The following AMPD1 variants were observed in gnomAD, a reference collection of about 807,000 sequenced individuals.
AMPD1 encodes the protein AMP deaminase 1.
A neutral mutation model predicts 82.9 loss-of-function variants in AMPD1; 74 were observed. That is an observed-to-expected ratio of 0.89 (90% CI 0.74 to 1.08). The LOEUF is 1.08. AMPD1 is among the 50% of genes least tolerant of loss of function. The pLI is 0.00. For synonymous variants in AMPD1, 333 were observed against 320.5 expected, an observed-to-expected ratio of 1.04 and a Z score of -0.42; for missense variants, 881 against 924.5, an observed-to-expected ratio of 0.95 and a Z score of 0.61.
chr1:114,693,278 T>C (rs1658574179), intron 2 of AMPD1, among the ~76,000 whole-genome samples, 158 bp downstream of exon 2: 1 of 151,550 alleles, frequency 6.6e-6, no homozygotes, highest in East Asian at 1.9e-4. Context: ...TTTGCTATGC[T>C]ATGGGATATC....
At chr1:114,674,948 T>C (rs1311469433) in intron 12 of AMPD1, 76 bp from the exon 13 acceptor site, 2 of 1,575,728 alleles carry the variant, frequency 1.3e-6, no homozygotes, top group African/African-American at 2.7e-5. Context: ...AGTAGAAAAG[T>C]GAACACTCTG....
At chr1:114,690,809 A>C (rs991242231) in intron 2 of AMPD1, among the ~76,000 whole-genome samples, 2 of 152,080 alleles carry the variant, frequency 1.3e-5, no homozygotes, top group African/African-American at 4.8e-5. Context: ...CAGAAGTTGG[A>C]AGAGGCTGCA....
At chr1:114,678,556 A>C (rs978625847) in intron 7 of AMPD1, 29 bp from the exon 8 acceptor site, 2 of 1,591,948 alleles carry the variant, frequency 1.3e-6, no homozygotes, top group African/African-American at 2.7e-5. Context: ...AAAGAAAAAA[A>C]CATCAATCAG....
chr1:114,689,563 T>C (rs1484667384), intron 2 of AMPD1, among the ~76,000 whole-genome samples: 1 of 152,172 alleles, frequency 6.6e-6, no homozygotes, highest in Non-Finnish European at 1.5e-5. Flanking sequence ...ATCCCTGTGA[T>C]CCCAGCGCTT....
intron 5 of AMPD1, 53 bp from the exon 6 acceptor site, chr1:114,680,531 A>G (rs1003361314): frequency 1.3e-6 from 2 of 1,522,806 alleles, no homozygotes; most frequent in Admixed American, 3.3e-5. Context: ...GAACGACCAC[A>G]TAAAAATAAC....
rs576044717 is a variant in AMPD1, at chr1:114,685,758, T to C, written c.381+987A>G. ...TTGAATTCTGGAGTTCTCCAAACTG[T>C]GTTTCCCCTGTACTCATCTCTATTA... On this transcript the variant is annotated intron_variant, in intron 4 of 15. Transcript: ENST00000520113. Among the ~76,000 whole-genome samples, 4 of 152,334 alleles carry C rather than the reference T, an allele frequency of 2.6e-5. No individual in the cohort carries two copies. The South Asian group carries it at 6.2e-4, about 24-fold the overall frequency.
Position 114,680,495 on chromosome 1 carries a change from CA to C in AMPD1, c.548-18del. On this transcript the variant is annotated intron_variant, in intron 5 of 15. Coordinates refer to ENST00000520113, the MANE Select transcript of AMPD1 (RefSeq NM_000036.3). ...GAGTAAAGACTTTTTCAATCAAACA[CA>C]GAGTAATATATTAGCACATAGGATG... The C allele has an allele frequency of 6.2e-7, 1 of 1,606,198 alleles. No individual in the cohort carries two copies.
At position 114,684,226 on chromosome 1, in the gene AMPD1, A is replaced by G. The variant is rs370236380; in HGVS notation, c.520T>C (p.Trp174Arg). The change falls in exon 5 of 16, where the codon TGG becomes CGG. Residue 174 changes from tryptophan (W) to arginine (R), a missense_variant. Physicochemically the swap from Trp to Arg is moderately radical, Grantham distance 101 (BLOSUM62 -3). Transcript: ENST00000520113. The part of the protein sequence containing the change: ...KYLRNIDGEA[W>R]VANESFYPVF... ...GGATAGAAGCTCTCATTTGCTACCCAAGCCTCACCATCAATGTTCCGCAAG... is the reference window on the plus strand; with the variant it reads ...GGATAGAAGCTCTCATTTGCTACCCGAGCCTCACCATCAATGTTCCGCAAG... 24 of 1,614,090 alleles carry G rather than the reference A, an allele frequency of 1.5e-5. No homozygotes were observed. Among genetic ancestry groups the G allele is most frequent in the Non-Finnish European group, 1.9e-5 (23 of 1,180,046 alleles).
chr1:114,691,688 G>A (rs189278265), intron 2 of AMPD1, among the ~76,000 whole-genome samples: 1 of 152,286 alleles, frequency 6.6e-6, no homozygotes, highest in African/African-American at 2.4e-5. Context: ...AACTTTGGGA[G>A]GCTGAGGTGG....
intron 7 of AMPD1, 70 bp from the exon 8 acceptor site, chr1:114,678,597 T>G: frequency 7.1e-7 from 1 of 1,413,620 alleles, no homozygotes; most frequent in African/African-American, 1.4e-5. Context: ...TTAGAGGATA[T>G]GGTGCTGCAA....
At chr1:114,695,395 CAA>C (rs68036474) in intron 1 of AMPD1, 53 bp downstream of exon 1, 32,406 of 1,405,002 alleles carry the variant, frequency 0.023, 17 homozygotes, top group African/African-American at 0.043. Context: ...AGTTGCTTGT[CAA>C]AAAAAAAAAA....
In AMPD1 at chr1:114,681,333, G is replaced by A. The variant is rs190347269; in HGVS notation, c.548-855C>T. On this transcript the variant is annotated intron_variant, in intron 5 of 15. Transcript: ENST00000520113. ...TTCCAGGCTGGGCACAGTGACTCAC[G>A]CCTGTAATCCCAGCATTTTGGGAGG... 2.1e-3 allele frequency among the ~76,000 whole-genome samples: 319 copies of A among 152,170 alleles called. 2 individuals carry two copies. Among genetic ancestry groups the A allele is most frequent in the African/African-American group, 7.1e-3 (295 of 41,516 alleles).
chr1:114,674,815 G>A lies in AMPD1; in HGVS notation c.1737C>T (p.Leu579=), dbSNP rs761586335. The A allele has an allele frequency of 1.9e-6, 3 of 1,613,886 alleles. No individual in the cohort carries two copies. The highest frequency in any genetic ancestry group is 2.2e-5 in the South Asian group (2 of 91,078). The change falls in exon 13 of 16, where the codon CTC becomes CTT. Residue 579 remains leucine, a synonymous_variant. Coordinates refer to ENST00000520113, the MANE Select transcript of AMPD1 (RefSeq NM_000036.3). ...TCATGAATGCTGTCATGAGATGGGT[G>A]AGGGCTCCAGCTTCTCCACAGTGAG... The part of the protein sequence containing the change: ...FRPHCGEAGA[L]THLMTAFMIA...
chr1:114,678,437 C>T lies in AMPD1; in HGVS notation c.988G>A (p.Val330Met). The T allele has an allele frequency of 6.2e-7, 1 of 1,614,158 alleles. No homozygotes were observed. The highest frequency in any genetic ancestry group is 2.2e-5 in the East Asian group (1 of 44,880). Residue 330 changes from valine (V) to methionine (M), a missense_variant, in exon 8 of 16, where the codon GTG (valine) becomes ATG (methionine). Transcript: ENST00000520113. ...KKSYQIDADR[V>M]VYSTKEKNLT... is the part of the protein sequence containing the mutation. The stretch of plus-strand genomic sequence containing the variant: ...TTCTTCTCTTTGGTGCTATAGACCA[C>T]TCTGTCAGCATCAATTTGGTAAGAT...
chr1:114,678,314 C>G lies in AMPD1; in HGVS notation c.1092+19G>C. The stretch of plus-strand genomic sequence containing the variant: ...GTTCTGAGTATTAGAGTGAAACTGA[C>G]ATTGCCGTTTCAACCTACAGCATGA... On this transcript the variant is annotated intron_variant, in intron 8 of 15. Transcript: ENST00000520113. The G allele has an allele frequency of 6.2e-7, 1 of 1,611,652 alleles. No individual in the cohort carries two copies. Among genetic ancestry groups the G allele is most frequent in the Non-Finnish European group, 8.5e-7 (1 of 1,177,802 alleles).
At position 114,680,325 on chromosome 1, in the gene AMPD1, T is replaced by A. The variant is rs780442744; in HGVS notation, c.701A>T (p.Tyr234Phe). 1 of 1,614,086 alleles carries A rather than the reference T, an allele frequency of 6.2e-7. No individual in the cohort carries two copies. The highest frequency in any genetic ancestry group is 2.2e-5 in the East Asian group (1 of 44,890). ...GTCTAAGAAGGTGTCCAGATTTGGG[T>A]AAGGAAGTGGCTTAGGCTCATCTTT... ...VSKDEPKPLPYPNLDTFLDDM... is the reference protein window; with the variant it reads ...VSKDEPKPLPFPNLDTFLDDM... The change falls in exon 6 of 16, where the codon TAC becomes TTC. Residue 234 changes from tyrosine (Y) to phenylalanine (F), a missense_variant. Around this residue, in one of 2 missense-constraint regions of AMPD1, gnomAD observed 783 missense variants for 786.4 expected, o/e 1.00. Transcript: ENST00000520113.
chr1:114,682,706 G>A (rs538193741), intron 5 of AMPD1, among the ~76,000 whole-genome samples: 10 of 152,166 alleles, frequency 6.6e-5, no homozygotes, highest in South Asian at 2.1e-4. Flanking sequence ...AGCCTCCGGA[G>A]TAGCTGGGAC....
intron 2 of AMPD1, among the ~76,000 whole-genome samples, chr1:114,689,548 G>A (rs1658446293): frequency 6.6e-6 from 1 of 152,204 alleles, no homozygotes; most frequent in Non-Finnish European, 1.5e-5. Flanking sequence ...TGGGCACACT[G>A]GCTCATCCCT....
At chr1:114,684,541 G>C (rs1315894915) in intron 4 of AMPD1, 177 bp from the exon 5 acceptor site, 2 of 669,612 alleles carry the variant, frequency 3.0e-6, no homozygotes, top group Non-Finnish European at 5.2e-6. Flanking sequence ...TCCCAGAGCA[G>C]GTCCTGAAGC....
Sources: allele counts gnomAD v4.1 joint callset (sites outside exome capture counted in the v4.1 genomes callset), GRCh38; gene constraint gnomAD v4.1.1; regional missense constraint gnomAD v4.1.1; transcripts MANE v1.5; gene names NCBI Gene and HGNC (gene_info 2026-07-23, HGNC 2026-07-21).